Variants in NLRP2 observed in about 807,000 individuals in gnomAD.
The protein encoded by NLRP2 is NACHT, LRR and PYD domains-containing protein 2.
NLRP2 carries 107 observed loss-of-function variants against 97.2 expected under a neutral mutation model. The ratio of observed to expected loss-of-function variants is 1.10; its 90% confidence interval spans 0.94 to 1.29. NLRP2 has a LOEUF of 1.29. Among genes scored for constraint, NLRP2 ranks in the 50% most tolerant of loss-of-function variants. The probability of loss-of-function intolerance (pLI) is 0.00; values close to 1 mark genes in which losing one functional copy is unlikely to be tolerated. For synonymous variants in NLRP2, 663 were observed against 551.5 expected (o/e 1.20, Z -2.83); for missense variants, 1,495 against 1,330.3 (o/e 1.12, Z -1.93).
chr19:54,994,760 G>A lies in NLRP2; in HGVS notation c.2879+321G>A, dbSNP rs1187591829. Among the ~76,000 whole-genome samples the A allele has an allele frequency of 6.6e-5, 10 of 151,700 alleles. No homozygotes were observed. In the East Asian group the frequency reaches 9.9e-4, roughly 15 times the overall value. ...CGAGTAGCTGGGATTACAGGCGCCC[G>A]CCACCATGCCCAGCTAATTCTTGTA... is the stretch of plus-strand genomic sequence containing the variant. On this transcript the variant is annotated intron_variant, in intron 11 of 12. Transcript: ENST00000448584.
intron 2 of NLRP2, among the ~76,000 whole-genome samples, chr19:54,970,969 C>A (rs1173601165): frequency 1.2e-5 from 1 of 80,896 alleles, no homozygotes; most frequent in East Asian, 4.7e-4. Context: ...TATCCCTCCC[C>A]CCTCCCCCCA....
chr19:54,982,031 A>AC, intron 5 of NLRP2, 131 bp from the exon 6 acceptor site: 1 of 1,134,360 alleles, frequency 8.8e-7, no homozygotes. Context: ...GCCTGCCTCG[A>AC]CCTCCCAAAG....
intron 11 of NLRP2, among the ~76,000 whole-genome samples, chr19:54,995,209 T>TTTG (rs2072740975): frequency 7.5e-6 from 1 of 133,480 alleles, no homozygotes; most frequent in Non-Finnish European, 1.6e-5. Context: ...TTTTTTTTTT[T>TTTG]GAGATAGTTT....
chr19:54,990,307 C>CAT (rs1360266298), intron 9 of NLRP2, 115 bp downstream of exon 9: 5 of 1,212,738 alleles, frequency 4.1e-6, no homozygotes, highest in Non-Finnish European at 6.1e-6. Flanking sequence ...ACACCTGTTC[C>CAT]CATGTTTAGA....
At chr19:54,998,621 T>C (rs2072987284) in intron 12 of NLRP2, among the ~76,000 whole-genome samples, 1 of 130,858 alleles carries the variant, frequency 7.6e-6, no homozygotes, top group Non-Finnish European at 1.6e-5. Context: ...CTTTTTTTTT[T>C]TTTTTTTTCC....
At position 54,992,679 on chromosome 19, in the gene NLRP2, G is replaced by A. The variant is rs959978016; in HGVS notation, c.2709-1590G>A. Among the ~76,000 whole-genome samples the A allele has an allele frequency of 2.0e-5, 3 of 147,566 alleles. No individual in the cohort carries two copies. In the South Asian group the frequency reaches 6.4e-4, roughly 31 times the overall value. ...TCCTGAGTTCAGGTGTGATTCTCCT[G>A]CCTCAGCCTCCCAGGGATTAAGGTG... On this transcript the variant is annotated intron_variant, in intron 10 of 12. Coordinates refer to ENST00000448584, the MANE Select transcript of NLRP2 (RefSeq NM_017852.5).
Position 55,001,112 on chromosome 19 carries a change from A to G in NLRP2, c.*214A>G. 1 of 535,172 alleles carries G rather than the reference A, an allele frequency of 1.9e-6. No homozygotes were observed. Among genetic ancestry groups the G allele is most frequent in the Non-Finnish European group, 3.4e-6 (1 of 298,156 alleles). The allele number at this position is 535,172 out of a possible 1,614,324, so 33.2% of individuals were successfully genotyped here. ...ATATCTGTATCACGGGTATATTGAGAGAAATAAAGGTGAGAGCATTCACAA... is the reference window on the plus strand; with the variant it reads ...ATATCTGTATCACGGGTATATTGAGGGAAATAAAGGTGAGAGCATTCACAA... On this transcript the variant is annotated 3_prime_UTR_variant, in exon 13 of 13. Coordinates refer to ENST00000448584, the MANE Select transcript of NLRP2 (RefSeq NM_017852.5).
At chr19:54,966,006 T>C (rs1193231126), upstream of NLRP2, 1 of 146,176 alleles carries the variant, frequency 6.8e-6, no homozygotes. Flanking sequence ...GATATTTCAC[T>C]TGAAATACGG....
chr19:55,000,832 G>T lies in NLRP2; in HGVS notation c.3123G>T (p.Leu1041=). The T allele has an allele frequency of 6.2e-7, 1 of 1,613,364 alleles. No homozygotes were observed. The highest frequency in any genetic ancestry group is 1.1e-5 in the South Asian group (1 of 91,048). The change falls in exon 13 of 13, where the codon CTG becomes CTT. Residue 1041 remains leucine, a synonymous_variant. Transcript: ENST00000448584. ...LEEIEEKNPQ[L]IIDTEKHHPW... The stretch of plus-strand genomic sequence containing the variant: ...AAATAGAAGAAAAAAACCCACAACT[G>T]ATTATTGATACTGAGAAACATCATC...
chr19:54,985,214 T>C lies in NLRP2; in HGVS notation c.2198T>C (p.Val733Ala). The part of the protein sequence containing the change: ...IASDTCHLQR[V>A]VFKNISPADA... ...TCTGACACCTGTCATCTCCAGAGAG[T>C]GGTGTAAGTAGAAACTAATTCATGA... Residue 733 changes from valine (V) to alanine (A), a missense_variant, in exon 7 of 13, where the codon GTG becomes GCG. Physicochemically the swap from Val to Ala is moderately conservative, Grantham distance 64 (BLOSUM62 0). Transcript: ENST00000448584. 1.2e-6 allele frequency: 2 copies of C among 1,613,346 alleles called. No individual in the cohort carries two copies. Among genetic ancestry groups the C allele is most frequent in the Non-Finnish European group, 1.7e-6 (2 of 1,179,734 alleles).
rs1483351967 is a variant in NLRP2, at chr19:55,001,083, T to C, written c.*185T>C. Reference sequence around the variant, plus strand: ...CACACATCCTTATCTTTGTTACATATGAAATATCTGTATCACGGGTATATT... The same window carrying C: ...CACACATCCTTATCTTTGTTACATACGAAATATCTGTATCACGGGTATATT... On this transcript the variant is annotated 3_prime_UTR_variant, in exon 13 of 13. Transcript: ENST00000448584. The C allele has an allele frequency of 1.0e-5, 6 of 585,220 alleles. No homozygotes were observed. Among genetic ancestry groups the C allele is most frequent in the African/African-American group, 7.5e-5 (4 of 53,540 alleles). The allele number at this position is 585,220 out of a possible 1,614,324, so 36.3% of individuals were successfully genotyped here.
In NLRP2 at chr19:54,996,096, G is replaced by A. The variant is rs553171266; in HGVS notation, c.2880-1221G>A. ...CCTTTTTAATCACTCACTGACACGT[G>A]TAGAGGAGCAAAAAGTTTGAGTTGC... is the stretch of plus-strand genomic sequence containing the variant. On this transcript the variant is annotated intron_variant, in intron 11 of 12. Transcript: ENST00000448584. Among the ~76,000 whole-genome samples the A allele has an allele frequency of 4.6e-5, 7 of 150,686 alleles. No homozygotes were observed. In the South Asian group the frequency reaches 1.5e-3, roughly 32 times the overall value.
intron 6 of NLRP2, among the ~76,000 whole-genome samples, 192 bp downstream of exon 6, chr19:54,983,920 G>C (rs1671685320): frequency 1.3e-5 from 2 of 152,044 alleles, no homozygotes; most frequent in Admixed American, 1.3e-4. Flanking sequence ...GCGCGATCTT[G>C]GCTCCCTGCA....
At chr19:54,988,486 CAG>C (rs2146489104) in intron 8 of NLRP2, among the ~76,000 whole-genome samples, 1 of 152,098 alleles carries the variant, frequency 6.6e-6, no homozygotes, top group Admixed American at 6.5e-5. Flanking sequence ...CTAGTAGAGA[CAG>C]GGTTACGCCA....
intron 2 of NLRP2, chr19:54,973,753 A>G (rs1054223722): frequency 6.0e-6 from 3 of 500,172 alleles, no homozygotes; most frequent in Non-Finnish European, 7.8e-6. Context: ...TTGTAAACTT[A>G]CGAAGGTCTG....
rs776346063 is a variant in NLRP2, at chr19:55,000,909, G to A, written c.*11G>A. ...GACTTCATGATCTGAATCCCCCCGA[G>A]TCATTCATTCTCCATGAAGTCATCG... On this transcript the variant is annotated 3_prime_UTR_variant, in exon 13 of 13. Coordinates refer to ENST00000448584, the MANE Select transcript of NLRP2 (RefSeq NM_017852.5). The A allele has an allele frequency of 1.9e-5, 30 of 1,613,370 alleles. 1 individual carries two copies. The South Asian group carries it at 3.1e-4, about 17-fold the overall frequency.
Position 54,983,852 on chromosome 19 carries a change from T to C in NLRP2, c.2030+124T>C, listed in dbSNP as rs989722279. ...CAGGAATTCCCTCTTGTTGGACTCT[T>C]TGTTTGTTTTTGTTTTGAGATGGAG... On this transcript the variant is annotated intron_variant, in intron 6 of 12. Coordinates refer to ENST00000448584, the MANE Select transcript of NLRP2 (RefSeq NM_017852.5). 18 of 1,314,548 alleles carry C rather than the reference T, an allele frequency of 1.4e-5. 1 individual carries two copies. The East Asian group carries it at 1.4e-4, about 10-fold the overall frequency. 81.4% of individuals were successfully genotyped at this position (1,314,548 alleles called of 1,614,324 possible).
chr19:54,989,809 C>T (rs1442136644), intron 8 of NLRP2: 1 of 607,984 alleles, frequency 1.6e-6, no homozygotes, highest in South Asian at 2.0e-5. Context: ...CATGGAGAGA[C>T]CCCCACCTCT....
chr19:54,992,214 TAC>T (rs1174302942), intron 10 of NLRP2, among the ~76,000 whole-genome samples: 2 of 152,032 alleles, frequency 1.3e-5, no homozygotes, highest in Non-Finnish European at 2.9e-5. Flanking sequence ...CGTCCAGCCA[TAC>T]ATATCTCTGG....
Sources: allele counts gnomAD v4.1 joint callset (sites outside exome capture counted in the v4.1 genomes callset), GRCh38; gene constraint gnomAD v4.1.1; transcripts MANE v1.5; gene names NCBI Gene and HGNC (gene_info 2026-07-23, HGNC 2026-07-21).